The following SNW1 variants were observed in gnomAD, a reference collection of about 807,000 sequenced individuals.
The protein encoded by SNW1 is SNW domain containing 1.
A neutral mutation model predicts 75.6 loss-of-function variants in SNW1; 9 were observed. The ratio of observed to expected loss-of-function variants is 0.12; its 90% CI spans 0.07 to 0.21. The LOEUF is 0.21. Among genes scored for constraint, SNW1 ranks in the 10% least tolerant of loss-of-function variants. SNW1 has a pLI of 1.00. For missense variants in SNW1, 409 were observed against 670.9 expected, an observed-to-expected ratio of 0.61 and a Z score of 4.31; for synonymous variants, 200 against 219.1, an observed-to-expected ratio of 0.91 and a Z score of 0.77.
At chr14:77,740,834 C>T (rs556051112) in intron 3 of SNW1, among the ~76,000 whole-genome samples, 394 of 152,164 alleles carry the variant, frequency 2.6e-3, no homozygotes, top group Non-Finnish European at 4.6e-3. Flanking sequence ...CGGTGGCTCA[C>T]GCCTGTAATC....
chr14:77,743,524 T>C (rs891560772), intron 3 of SNW1, among the ~76,000 whole-genome samples: 2 of 152,190 alleles, frequency 1.3e-5, no homozygotes, highest in African/African-American at 4.8e-5. Flanking sequence ...ACCAGACCTC[T>C]CGGAAGCAAA....
In SNW1 at chr14:77,751,470, T is replaced by C; in HGVS notation, c.179A>G (p.Asp60Gly). Residue 60 changes from aspartate to glycine, a missense_variant, in exon 3 of 14, where the codon GAT becomes GGT. This residue lies in a region of SNW1 where 10 missense variants were observed against 29.4 expected (regional missense o/e 0.34). Transcript: ENST00000261531. ...WIPRLLEDFG[D>G]GGAFPEIHVA... ...ATGGATCTCTGGAAAAGCACCTCCA[T>C]CTCCAAAATCCTACACATTAGAAGT... 6.2e-7 allele frequency: 1 copy of C among 1,606,506 alleles called. No homozygotes were observed. Among genetic ancestry groups the C allele is most frequent in the Non-Finnish European group, 8.5e-7 (1 of 1,177,386 alleles).
chr14:77,733,929 A>C (rs138053145), intron 8 of SNW1: 1 of 445,766 alleles, frequency 2.2e-6, no homozygotes, highest in Non-Finnish European at 4.5e-6. Flanking sequence ...TCAAATGTTG[A>C]CTTTTAGTCC....
At chr14:77,733,580 C>A (rs978249997) in intron 8 of SNW1, among the ~76,000 whole-genome samples, 41 of 151,402 alleles carry the variant, frequency 2.7e-4, no homozygotes, top group African/African-American at 9.9e-4. Flanking sequence ...CCCGTCTCTA[C>A]CAAAAATACA....
intron 6 of SNW1, 147 bp downstream of exon 6, chr14:77,736,824 A>G (rs960560620): frequency 1.7e-6 from 1 of 584,638 alleles, no homozygotes; most frequent in Non-Finnish European, 3.1e-6. Flanking sequence ...TTCTGTAACT[A>G]TAGGTTAGTT....
chr14:77,745,414 T>C (rs2080753353), intron 3 of SNW1, among the ~76,000 whole-genome samples: 1 of 151,324 alleles, frequency 6.6e-6, no homozygotes, highest in African/African-American at 2.4e-5. Context: ...TGCTTGAATG[T>C]TTTTTCTTCT....
chr14:77,748,590 C>CT (rs944974013), intron 3 of SNW1, among the ~76,000 whole-genome samples: 12 of 148,712 alleles, frequency 8.1e-5, no homozygotes, highest in African/African-American at 1.7e-4. Context: ...ATTTGTATAA[C>CT]TTTTTTTTTT....
chr14:77,751,620 G>T, intron 2 of SNW1, 140 bp from the exon 3 acceptor site: 1 of 557,786 alleles, frequency 1.8e-6, no homozygotes, highest in Non-Finnish European at 2.9e-6. Context: ...CTCTTGTGGA[G>T]TTTACATTCT....
intron 8 of SNW1, 23 bp from the exon 9 acceptor site, chr14:77,732,624 AC>A: frequency 7.8e-7 from 1 of 1,288,484 alleles, no homozygotes. Flanking sequence ...CAGACAGAAA[AC>A]CCAGTCACAG....
In SNW1 at chr14:77,760,804, C is replaced by A. The variant is rs187839967; in HGVS notation, c.14+310G>T. The A allele has an allele frequency of 7.2e-5, 51 of 712,912 alleles. No homozygotes were observed. In the East Asian group the frequency reaches 1.3e-3, roughly 19 times the overall value. The allele number at this position is 712,912 out of a possible 1,614,324, so 44.2% of individuals were successfully genotyped here. A position where few individuals can be genotyped will look rare whatever the true frequency, so the allele number is the denominator to read the frequency against. On this transcript the variant is annotated intron_variant, in intron 1 of 13. Coordinates refer to ENST00000261531, the MANE Select transcript of SNW1 (RefSeq NM_012245.3). The stretch of plus-strand genomic sequence containing the variant: ...AACCCCATCTCGTTCGCCCGAGCCG[C>A]GGACCTGAGGGAGCGCTGTCCGCTC...
In SNW1 at chr14:77,723,160, C is replaced by T. The variant is rs2080557107; in HGVS notation, c.1130+21G>A. 3 of 1,593,916 alleles carry T rather than the reference C, an allele frequency of 1.9e-6. No individual in the cohort carries two copies. In the African/African-American group the frequency reaches 4.0e-5, roughly 21 times the overall value. The stretch of plus-strand genomic sequence containing the variant: ...CTGCGCCCGGCCACCATGATTGGTA[C>T]ACATCTTAAATAACACCTACCTCTT... On this transcript the variant is annotated intron_variant, in intron 11 of 13. Transcript: ENST00000261531.
rs753986127 is a variant in SNW1 at position 77,755,006 on chromosome 14, C to T, written c.129G>A (p.Pro43=). ...GTATCCAGCCTTTCCGGTATCCGTACGGGGGAGGTTCTCTTCGGGAGGAGA... is the reference window on the plus strand; with the variant it reads ...GTATCCAGCCTTTCCGGTATCCGTATGGGGGAGGTTCTCTTCGGGAGGAGA... ...SLVSSRREPP[P]YGYRKGWIPR... is the part of the protein sequence containing the mutation. The change falls in exon 2 of 14, where the codon CCG becomes CCA. Residue 43 remains proline (P), a synonymous_variant. Coordinates refer to ENST00000261531, the MANE Select transcript of SNW1 (RefSeq NM_012245.3). 19 of 1,609,068 alleles carry T rather than the reference C, an allele frequency of 1.2e-5. No homozygotes were observed. The highest frequency in any genetic ancestry group is 5.5e-5 in the South Asian group (5 of 90,382).
chr14:77,723,082 C>T lies in SNW1; in HGVS notation c.1130+99G>A, dbSNP rs186069300. On this transcript the variant is annotated intron_variant, in intron 11 of 13. Coordinates refer to ENST00000261531, the MANE Select transcript of SNW1 (RefSeq NM_012245.3). ...CAGGATGGTCTCGATCTCCTGACCT[C>T]GTGATCCGCCCGCATTGGCCTCCCA... is the stretch of plus-strand genomic sequence containing the variant. The T allele has an allele frequency of 9.7e-4, 842 of 869,030 alleles. 3 individuals are homozygous for T. In the African/African-American group the frequency reaches 0.011, roughly 12 times the overall value. The allele number at this position is 869,030 out of a possible 1,614,324, so 53.8% of individuals were successfully genotyped here.
At chr14:77,725,820 G>T (rs1292344743) in intron 10 of SNW1, among the ~76,000 whole-genome samples, 1 of 152,218 alleles carries the variant, frequency 6.6e-6, no homozygotes, top group Non-Finnish European at 1.5e-5. Context: ...GGAGGCCAAG[G>T]TGGGAGGATA....
rs2080557442 is a variant in SNW1 at position 77,723,198 on chromosome 14, C to T, written c.1113G>A (p.Arg371=). 1.9e-6 allele frequency: 3 copies of T among 1,613,830 alleles called. No individual in the cohort carries two copies. Among genetic ancestry groups the T allele is most frequent in the Admixed American group, 1.7e-5 (1 of 59,992 alleles). ...KERQHDRNLS[R]AAPDKRSKLQ... ...ACACCTACCTCTTATCAGGAGCTGC[C>T]CTGGAAAGATTCCGGTCATGCTGTC... The change falls in exon 11 of 14, where the codon AGG becomes AGA. Residue 371 remains arginine (R), a synonymous_variant. Transcript: ENST00000261531.
chr14:77,750,034 C>T (rs528574728), intron 3 of SNW1, among the ~76,000 whole-genome samples: 4 of 151,792 alleles, frequency 2.6e-5, no homozygotes, highest in Non-Finnish European at 5.9e-5. Context: ...TATCCCACCT[C>T]TACAAAAAAA....
At chr14:77,722,959 C>T (rs540267432) in intron 11 of SNW1, 94 of 501,744 alleles carry the variant, frequency 1.9e-4, no homozygotes, top group African/African-American at 1.6e-3. Flanking sequence ...ATTCTCCTGC[C>T]TCAGCCTGCC....
intron 1 of SNW1, among the ~76,000 whole-genome samples, chr14:77,759,834 G>T (rs916671872): frequency 9.2e-5 from 14 of 151,682 alleles, no homozygotes; most frequent in Non-Finnish European, 2.1e-4. Context: ...AAAAATTTCA[G>T]ATGCCGGGCA....
In SNW1 at chr14:77,722,427, TCTC is replaced by T. The variant is rs140064135; in HGVS notation, c.1130+751_1130+753del. ...TTTCTACTTCTTTCAAAACTGCTCT[TCTC>T]CTCAATTGTACTAGATGCAGTACTA... On this transcript the variant is annotated intron_variant, in intron 11 of 13. Coordinates refer to ENST00000261531, the MANE Select transcript of SNW1 (RefSeq NM_012245.3). 3.9e-3 allele frequency: 1,586 copies of T among 408,740 alleles called. 19 individuals carry two copies. The highest frequency in any genetic ancestry group is 0.031 in the African/African-American group (1,480 of 47,812). The allele number at this position is 408,740 out of a possible 1,614,324, so 25.3% of individuals were successfully genotyped here. A position where few individuals can be genotyped will look rare whatever the true frequency, so the allele number is the denominator to read the frequency against.
Sources: gnomAD v4.1 joint callset for allele counts (sites outside exome capture counted in the v4.1 genomes callset) on GRCh38, gnomAD v4.1.1 for gene constraint, gnomAD v4.1.1 regional missense constraint, MANE v1.5 for transcripts, NCBI Gene and HGNC (gene_info 2026-07-23, HGNC 2026-07-21) for gene names.